Variants in NUDCD3 observed in about 807,000 individuals in gnomAD.
The protein encoded by NUDCD3 is nudC domain-containing protein 3.
A neutral mutation model predicts 39.7 loss-of-function variants in NUDCD3; 13 were observed. The ratio of observed to expected loss-of-function variants is 0.33; its 90% CI spans 0.21 to 0.52. The LOEUF is 0.52. NUDCD3 is among the 20% of genes least tolerant of loss of function. NUDCD3 has a pLI of 0.96. For synonymous variants in NUDCD3, 175 were observed against 172.4 expected (o/e 1.02, Z -0.12); for missense variants, 453 against 458.1 (o/e 0.99, Z 0.10).
At chr7:44,405,325 C>G (rs1227252222) in intron 3 of NUDCD3, among the ~76,000 whole-genome samples, 1 of 152,242 alleles carries the variant, frequency 6.6e-6, no homozygotes, top group Non-Finnish European at 1.5e-5. Flanking sequence ...ACACCTATCC[C>G]TGCCCCACCA....
At chr7:44,471,467 C>A (rs1376279431) in intron 2 of NUDCD3, among the ~76,000 whole-genome samples, 1 of 152,168 alleles carries the variant, frequency 6.6e-6, no homozygotes, top group Admixed American at 6.5e-5. Context: ...CAGCTCAGGG[C>A]TAGGTGATCT....
At chr7:44,479,758 A>G (rs2116977259) in intron 2 of NUDCD3, among the ~76,000 whole-genome samples, 1 of 152,338 alleles carries the variant, frequency 6.6e-6, no homozygotes, top group Middle Eastern at 3.4e-3. Flanking sequence ...CAGAATAACT[A>G]CCTTAAATTA....
intron 2 of NUDCD3, among the ~76,000 whole-genome samples, chr7:44,430,180 G>T (rs541851259): frequency 1.2e-4 from 19 of 152,222 alleles, no homozygotes; most frequent in African/African-American, 4.3e-4. Flanking sequence ...GAGAAAAATG[G>T]TTCTCTTTAA....
chr7:44,379,818 A>C lies in NUDCD3; in HGVS notation c.*6193T>G, dbSNP rs1244158891. The C allele has an allele frequency of 6.6e-6, 1 of 152,328 alleles. No individual in the cohort carries two copies. Among genetic ancestry groups the C allele is most frequent in the Admixed American group, 6.5e-5 (1 of 15,270 alleles). 9.4% of individuals were successfully genotyped at this position (152,328 alleles called of 1,614,324 possible). On this transcript the variant is annotated 3_prime_UTR_variant, in exon 6 of 6. Coordinates refer to ENST00000355451, the MANE Select transcript of NUDCD3 (RefSeq NM_015332.4). The stretch of plus-strand genomic sequence containing the variant: ...CCCCTTGAATGGTGGCAGGGAGACC[A>C]CAGCACATCGCAGGGCCCTGAGGAT...
At chr7:44,478,384 C>G (rs1800422397) in intron 2 of NUDCD3, among the ~76,000 whole-genome samples, 1 of 152,046 alleles carries the variant, frequency 6.6e-6, no homozygotes, top group Non-Finnish European at 1.5e-5. Flanking sequence ...AACCCTGTCT[C>G]TACTAAAAAA....
chr7:44,485,178 GAC>G lies in NUDCD3; in HGVS notation c.297_298del (p.Ala101CysfsTer4). ...TGGCTCCTTCTCAGCTGCAGCAGCTGACACAGTCTTGGCCTCTTCCTCTTCCT... is the reference window on the plus strand; with the variant it reads ...TGGCTCCTTCTCAGCTGCAGCAGCTGACAGTCTTGGCCTCTTCCTCTTCCT... On this transcript the variant is annotated frameshift_variant, in exon 2 of 6. Coordinates refer to ENST00000355451, the MANE Select transcript of NUDCD3 (RefSeq NM_015332.4). LOFTEE classifies it high-confidence loss of function. The G allele has an allele frequency of 1.2e-6, 2 of 1,614,190 alleles. No individual in the cohort carries two copies. Among genetic ancestry groups the G allele is most frequent in the Non-Finnish European group, 1.7e-6 (2 of 1,180,022 alleles).
chr7:44,445,481 C>A (rs4724302), intron 2 of NUDCD3, among the ~76,000 whole-genome samples: 147,558 of 152,280 alleles, frequency 0.97, 71,534 homozygotes, highest in East Asian at 1. Flanking sequence ...TGCACAGGTT[C>A]CTCCCTCTGA....
chr7:44,478,595 G>A (rs1014795804), intron 2 of NUDCD3, among the ~76,000 whole-genome samples: 1 of 152,160 alleles, frequency 6.6e-6, no homozygotes, highest in Non-Finnish European at 1.5e-5. Context: ...TGGGGTGGGG[G>A]CATTTCTGAT....
rs1277270659 is a variant in NUDCD3, at chr7:44,383,777, G to C, written c.*2234C>G. The C allele has an allele frequency of 6.6e-6, 1 of 152,384 alleles. No individual in the cohort carries two copies. The highest frequency in any genetic ancestry group is 2.1e-4 in the South Asian group (1 of 4,830). The allele number at this position is 152,384 out of a possible 1,614,324, so 9.4% of individuals were successfully genotyped here. A position where few individuals can be genotyped will look rare whatever the true frequency, so the allele number is the denominator to read the frequency against. ...TGTGTCTAAAAAGAGAAAACAGGCA[G>C]GGTGTGCCAGCTCTGGAGACTGGGC... On this transcript the variant is annotated 3_prime_UTR_variant, in exon 6 of 6. Transcript: ENST00000355451.
At chr7:44,405,920 C>T (rs1798811288) in intron 3 of NUDCD3, among the ~76,000 whole-genome samples, 1 of 152,180 alleles carries the variant, frequency 6.6e-6, no homozygotes. Context: ...CCTCAGCCTC[C>T]CGAGTAACTG....
At chr7:44,467,359 C>T (rs1009647724) in intron 2 of NUDCD3, among the ~76,000 whole-genome samples, 1 of 152,230 alleles carries the variant, frequency 6.6e-6, no homozygotes, top group African/African-American at 2.4e-5. Context: ...CACTCCAAGA[C>T]TTCTGCTAGT....
In NUDCD3 at chr7:44,382,387, G is replaced by A. The variant is rs1318865780; in HGVS notation, c.*3624C>T. The stretch of plus-strand genomic sequence containing the variant: ...CATATTAGTGTGAGCTGGGTGAGTA[G>A]TTTAGTCTGAAATGACAGAATATTC... On this transcript the variant is annotated 3_prime_UTR_variant, in exon 6 of 6. Transcript: ENST00000355451. 2 of 152,172 alleles carry A rather than the reference G, an allele frequency of 1.3e-5. No individual in the cohort carries two copies. Among genetic ancestry groups the A allele is most frequent in the African/African-American group, 4.8e-5 (2 of 41,440 alleles). The allele number at this position is 152,172 out of a possible 1,614,324, so 9.4% of individuals were successfully genotyped here. A position where few individuals can be genotyped will look rare whatever the true frequency, so the allele number is the denominator to read the frequency against.
chr7:44,485,244 T>C lies in NUDCD3; in HGVS notation c.233A>G (p.Glu78Gly). The change falls in exon 2 of 6, where the codon GAG (glutamate) becomes GGG (glycine). Residue 78 changes from glutamate to glycine, a missense_variant. Physicochemically the swap from Glu to Gly is moderately conservative, Grantham distance 98. Transcript: ENST00000355451. ...TFDHMARQDDEKRRQELEEKI... is the reference protein window; with the variant it reads ...TFDHMARQDDGKRRQELEEKI... ...CTCTTCAAGTTCCTGCCTTCTCTTC[T>C]CATCATCCTGACGGGCCATGTGGTC... 1 of 1,613,898 alleles carries C rather than the reference T, an allele frequency of 6.2e-7. No individual in the cohort carries two copies. Among genetic ancestry groups the C allele is most frequent in the Non-Finnish European group, 8.5e-7 (1 of 1,179,864 alleles).
chr7:44,388,987 T>G (rs1412020471), intron 5 of NUDCD3, among the ~76,000 whole-genome samples: 1 of 152,222 alleles, frequency 6.6e-6, no homozygotes, highest in Non-Finnish European at 1.5e-5. Context: ...GGCTCCCCCA[T>G]GCTAGGTCAC....
chr7:44,474,263 A>G (rs977002429), intron 2 of NUDCD3, among the ~76,000 whole-genome samples: 3 of 152,168 alleles, frequency 2.0e-5, no homozygotes, highest in Non-Finnish European at 4.4e-5. Flanking sequence ...GGTTATTTTA[A>G]AAGAAATTGG....
At chr7:44,415,238 T>C (rs540325335) in intron 3 of NUDCD3, among the ~76,000 whole-genome samples, 1 of 152,332 alleles carries the variant, frequency 6.6e-6, no homozygotes, top group African/African-American at 2.4e-5. Flanking sequence ...TTCAATGAAA[T>C]GCCAGGTTTA....
intron 2 of NUDCD3, among the ~76,000 whole-genome samples, chr7:44,449,627 G>C (rs545927937): frequency 6.6e-6 from 1 of 152,210 alleles, no homozygotes; most frequent in Admixed American, 6.5e-5. Flanking sequence ...AGAAAGTATA[G>C]TACTTTCAAC....
chr7:44,472,321 T>C (rs186828942), intron 2 of NUDCD3, among the ~76,000 whole-genome samples: 1 of 152,314 alleles, frequency 6.6e-6, no homozygotes, highest in Non-Finnish European at 1.5e-5. Context: ...ACTGAGAAAC[T>C]ATTAGAAACC....
chr7:44,463,979 T>C (rs2116953310), intron 2 of NUDCD3, among the ~76,000 whole-genome samples: 1 of 152,140 alleles, frequency 6.6e-6, no homozygotes, highest in East Asian at 1.9e-4. Context: ...TTTGGGAGGC[T>C]GCGGCAGGTG....
Sources: allele counts gnomAD v4.1 joint callset (sites outside exome capture counted in the v4.1 genomes callset), GRCh38; gene constraint gnomAD v4.1.1; transcripts MANE v1.5; gene names NCBI Gene and HGNC (gene_info 2026-07-23, HGNC 2026-07-21).